The following PAXIP1 variants were observed in gnomAD, a reference collection of about 807,000 sequenced individuals.
PAXIP1 encodes PAX interacting protein 1.
In PAXIP1, 19 loss-of-function variants were observed where a neutral mutation model predicts 140.6. The ratio of observed to expected loss-of-function variants is 0.14; its 90% CI spans 0.09 to 0.20. The LOEUF (loss-of-function observed/expected upper bound fraction) is 0.20, where lower values mean the gene tolerates loss of function less well. PAXIP1 is among the 10% of genes least tolerant of loss of function. The pLI, the probability that PAXIP1 is intolerant of heterozygous loss-of-function variation, is 1.00. For synonymous variants in PAXIP1, 442 were observed against 444.6 expected, an observed-to-expected ratio of 0.99 and a Z score of 0.07; for missense variants, 920 against 1,208.6, an observed-to-expected ratio of 0.76 and a Z score of 3.54.
intron 6 of PAXIP1, among the ~76,000 whole-genome samples, chr7:154,971,043 GACCTAGACAA>G (rs1809292029): frequency 6.6e-6 from 1 of 152,148 alleles, no homozygotes; most frequent in Non-Finnish European, 1.5e-5. Flanking sequence ...ACAGGCACAG[GACCTAGACAA>G]ACACAGCAGC....
intron 13 of PAXIP1, among the ~76,000 whole-genome samples, chr7:154,957,973 C>CAAAAAA (rs35027196): frequency 1.1e-5 from 1 of 91,684 alleles, no homozygotes; most frequent in Admixed American, 1.2e-4. Context: ...GACTCCGTCT[C>CAAAAAA]AAAAAAAAAA....
chr7:154,969,711 T>C (rs565743850), intron 6 of PAXIP1, among the ~76,000 whole-genome samples: 1 of 152,354 alleles, frequency 6.6e-6, no homozygotes, highest in East Asian at 1.9e-4. Context: ...GAAAGCAGCA[T>C]GACCCAAGCT....
intron 6 of PAXIP1, among the ~76,000 whole-genome samples, chr7:154,971,391 T>A (rs1180031149): frequency 6.6e-6 from 1 of 152,110 alleles, no homozygotes; most frequent in Non-Finnish European, 1.5e-5. Flanking sequence ...AGGACAAGAG[T>A]CCCGGCTAGG....
At chr7:154,962,615 C>T (rs559993681) in intron 9 of PAXIP1, 157 bp from the exon 10 acceptor site, 4 of 571,458 alleles carry the variant, frequency 7.0e-6, no homozygotes, top group East Asian at 3.0e-5. Flanking sequence ...GAATTAAAAC[C>T]GTGTAGCTGG....
intron 1 of PAXIP1, chr7:155,000,665 G>C (rs765432366): frequency 2.0e-5 from 3 of 152,108 alleles, no homozygotes; most frequent in African/African-American, 7.2e-5. Flanking sequence ...CACTTTACTC[G>C]GTTTTCACGA....
chr7:154,988,197 T>C (rs939538905), intron 4 of PAXIP1, among the ~76,000 whole-genome samples: 7 of 152,180 alleles, frequency 4.6e-5, no homozygotes, highest in African/African-American at 1.7e-4. Context: ...CTAGCCTCTG[T>C]GTACTCCTGA....
chr7:154,963,634 C>T lies in PAXIP1; in HGVS notation c.1989+37G>A, dbSNP rs1808867412. On this transcript the variant is annotated intron_variant, in intron 9 of 20. Transcript: ENST00000404141. The surrounding 1 kb of genome is among the most constrained non-coding windows in gnomAD (Gnocchi z 4.1). ...AAGATTGCATATTAAAAATGCCAGA[C>T]CTTGCTCCTGGTCGCAGCTAAGGCT... 1.4e-6 allele frequency: 2 copies of T among 1,415,774 alleles called. No homozygotes were observed. The highest frequency in any genetic ancestry group is 2.0e-6 in the Non-Finnish European group (2 of 1,008,526). 87.7% of individuals were successfully genotyped at this position (1,415,774 alleles called of 1,614,324 possible).
intron 14 of PAXIP1, among the ~76,000 whole-genome samples, chr7:154,955,842 T>C (rs1229765164): frequency 6.6e-6 from 1 of 152,236 alleles, no homozygotes; most frequent in African/African-American, 2.4e-5. Context: ...CTTTGAAGCC[T>C]CCAAGGGAGG....
At chr7:154,977,355 C>A (rs995304830) in intron 5 of PAXIP1, among the ~76,000 whole-genome samples, 7 of 152,164 alleles carry the variant, frequency 4.6e-5, no homozygotes, top group Admixed American at 6.5e-5. Flanking sequence ...ATAATCAGGG[C>A]CCTAAACTAA....
chr7:154,944,079 G>T lies in PAXIP1; in HGVS notation c.*70C>A. 1.3e-6 allele frequency: 2 copies of T among 1,498,682 alleles called. No individual in the cohort carries two copies. Among genetic ancestry groups the T allele is most frequent in the Non-Finnish European group, 1.9e-6 (2 of 1,079,540 alleles). The allele number at this position is 1,498,682 out of a possible 1,614,324, so 92.8% of individuals were successfully genotyped here. Reference sequence around the variant, plus strand: ...AACAAGAGCATGTGAAGGAAGCGCAGCAGCTCCTCGCCAGCCAGACAGCCA... The same window carrying T: ...AACAAGAGCATGTGAAGGAAGCGCATCAGCTCCTCGCCAGCCAGACAGCCA... On this transcript the variant is annotated 3_prime_UTR_variant, in exon 21 of 21. Transcript: ENST00000404141.
chr7:154,968,171 C>A (rs1290610068), intron 7 of PAXIP1, among the ~76,000 whole-genome samples: 1 of 152,134 alleles, frequency 6.6e-6, no homozygotes, highest in Non-Finnish European at 1.5e-5. Context: ...CTGTGGCAGC[C>A]TAGATGTTCT....
At chr7:154,998,576 T>C in intron 2 of PAXIP1, 74 bp downstream of exon 2, 3 of 1,013,032 alleles carry the variant, frequency 3.0e-6, no homozygotes, top group Non-Finnish European at 2.9e-6. Context: ...TGAAAAGAGC[T>C]ATAGTGAAAC....
intron 16 of PAXIP1, chr7:154,949,469 C>G (rs1391823905): frequency 2.0e-5 from 3 of 151,760 alleles, no homozygotes; most frequent in African/African-American, 7.3e-5. Context: ...TTTGGAAAAA[C>G]AAAAAATGAT....
intron 4 of PAXIP1, among the ~76,000 whole-genome samples, chr7:154,985,751 ACT>A (rs753747067): frequency 2.0e-5 from 3 of 151,906 alleles, no homozygotes; most frequent in Non-Finnish European, 4.4e-5. Flanking sequence ...CCAATAAGAC[ACT>A]CCTTGATTCT....
chr7:154,981,053 G>A (rs1400126449), intron 5 of PAXIP1, among the ~76,000 whole-genome samples: 2 of 152,090 alleles, frequency 1.3e-5, no homozygotes, highest in Non-Finnish European at 1.5e-5. Context: ...CCCGGGAGAT[G>A]GAGGATGCAG....
chr7:154,995,593 T>G (rs1810549518), intron 2 of PAXIP1, among the ~76,000 whole-genome samples: 1 of 152,234 alleles, frequency 6.6e-6, no homozygotes, highest in East Asian at 1.9e-4. Flanking sequence ...CTCATGCCTG[T>G]AATCTCAGCA....
intron 5 of PAXIP1, among the ~76,000 whole-genome samples, 161 bp from the exon 6 acceptor site, chr7:154,976,492 G>C (rs1258563566): frequency 1.3e-5 from 2 of 152,212 alleles, no homozygotes; most frequent in African/African-American, 4.8e-5. Flanking sequence ...CTTTTAGACA[G>C]AGGACATGAG....
At chr7:154,991,869 G>A (rs1481496704) in intron 3 of PAXIP1, among the ~76,000 whole-genome samples, 1 of 152,292 alleles carries the variant, frequency 6.6e-6, no homozygotes, top group Middle Eastern at 3.4e-3. Flanking sequence ...AAAGTATACT[G>A]ATTGAGATAG....
intron 8 of PAXIP1, chr7:154,965,651 T>C (rs561832791): frequency 1.3e-5 from 2 of 152,360 alleles, no homozygotes; most frequent in East Asian, 1.9e-4. Context: ...ATAGTACATA[T>C]ATTTTCTCTT....
Sources: allele counts gnomAD v4.1 joint callset (sites outside exome capture counted in the v4.1 genomes callset), GRCh38; gene constraint gnomAD v4.1.1; non-coding constraint Gnocchi (gnomAD v3.1); transcripts MANE v1.5; gene names NCBI Gene and HGNC (gene_info 2026-07-23, HGNC 2026-07-21).